Variants in PRKCB observed in about 807,000 individuals in gnomAD.
PRKCB encodes the protein protein kinase C beta type.
A neutral mutation model predicts 81.5 loss-of-function variants in PRKCB; 13 were observed. The observed-to-expected ratio is 0.16, with a 90% confidence interval of 0.10 to 0.25. The LOEUF is 0.25. Among genes scored for constraint, PRKCB ranks in the 10% least tolerant of loss-of-function variants. The pLI is 1.00. For synonymous variants in PRKCB, 335 were observed against 321.4 expected (o/e 1.04, Z -0.45); for missense variants, 509 against 875.7 (o/e 0.58, Z 5.29).
intron 10 of PRKCB, among the ~76,000 whole-genome samples, chr16:24,171,856 C>T (rs917932676): frequency 7.2e-5 from 11 of 152,124 alleles, no homozygotes; most frequent in African/African-American, 2.4e-4. Context: ...GCCTCAGCCT[C>T]CCGAGTAGCT....
At chr16:23,963,658 A>G in intron 2 of PRKCB, 1 of 152,196 alleles carries the variant, frequency 6.6e-6, no homozygotes, top group Non-Finnish European at 1.5e-5. Context: ...TGCCGAGGTG[A>G]TGTGTCACCA....
chr16:23,930,685 G>A (rs937502597), intron 2 of PRKCB, among the ~76,000 whole-genome samples: 3 of 152,066 alleles, frequency 2.0e-5, no homozygotes, highest in African/African-American at 7.2e-5. Context: ...TCCTTCTAAC[G>A]TTATTGTTGT....
intron 2 of PRKCB, among the ~76,000 whole-genome samples, chr16:23,958,403 C>T (rs1030092894): frequency 6.6e-6 from 1 of 152,120 alleles, no homozygotes; most frequent in Non-Finnish European, 1.5e-5. Flanking sequence ...CTCCTGGGTT[C>T]AAGCGATTCT....
intron 5 of PRKCB, among the ~76,000 whole-genome samples, chr16:24,069,408 A>C (rs1966079479): frequency 6.6e-6 from 1 of 152,142 alleles, no homozygotes; most frequent in Admixed American, 6.5e-5. Flanking sequence ...GAGGCTGAGC[A>C]CTGGGGACGA....
chr16:23,889,148 ATCCATCCATCCATCCATCCATCCG>A (rs1312784511), intron 2 of PRKCB, among the ~76,000 whole-genome samples: 2 of 144,034 alleles, frequency 1.4e-5, no homozygotes. Flanking sequence ...CCATCCATCC[ATCCATCCATCCATCCATCCATCCG>A]TCCATCCACA....
At chr16:23,888,775 C>G (rs1332512180) in intron 2 of PRKCB, among the ~76,000 whole-genome samples, 2 of 152,096 alleles carry the variant, frequency 1.3e-5, no homozygotes, top group African/African-American at 4.8e-5. Context: ...GGCTACTGTG[C>G]AGGGACTGGG....
intron 3 of PRKCB, among the ~76,000 whole-genome samples, chr16:24,011,595 C>A (rs11074599): frequency 0.27 from 41,682 of 152,072 alleles, 5,884 homozygotes; most frequent in South Asian, 0.36. Context: ...TAGCTCACTG[C>A]AGCCTCCAAT....
chr16:24,033,931 A>G (rs1476897977), intron 4 of PRKCB, among the ~76,000 whole-genome samples: 1 of 152,126 alleles, frequency 6.6e-6, no homozygotes, highest in Non-Finnish European at 1.5e-5. Flanking sequence ...AGTTGGAGAA[A>G]GGGAGAGACA....
At chr16:24,110,141 G>GGGA (rs1404372071) in intron 7 of PRKCB, among the ~76,000 whole-genome samples, 1,557 of 97,982 alleles carry the variant, frequency 0.016, 5 homozygotes, top group Middle Eastern at 0.047. Context: ...GAGAGGGAGA[G>GGGA]GAGGGAGAGG....
chr16:24,101,009 AC>A (rs1189191186), intron 7 of PRKCB, among the ~76,000 whole-genome samples: 2 of 152,162 alleles, frequency 1.3e-5, no homozygotes, highest in Non-Finnish European at 2.9e-5. Flanking sequence ...TCTGGGTTGC[AC>A]CAGCTGGTCC....
intron 9 of PRKCB, among the ~76,000 whole-genome samples, chr16:24,143,583 G>A (rs181003721): frequency 7.7e-4 from 117 of 152,180 alleles, no homozygotes; most frequent in African/African-American, 2.7e-3. Flanking sequence ...ACTAGGGATC[G>A]TGTGATCCCC....
At chr16:24,018,549 G>T (rs1029422038) in intron 3 of PRKCB, among the ~76,000 whole-genome samples, 5 of 152,232 alleles carry the variant, frequency 3.3e-5, no homozygotes, top group African/African-American at 1.2e-4. Context: ...GTTAAGCTTA[G>T]ATGTGGCTAC....
chr16:23,859,676 CG>C, intron 2 of PRKCB, among the ~76,000 whole-genome samples: 1 of 151,924 alleles, frequency 6.6e-6, no homozygotes, highest in South Asian at 2.1e-4. Flanking sequence ...CAGTGAGGTG[CG>C]GGGAGAAGCA....
At chr16:23,878,402 A>G (rs947815392) in intron 2 of PRKCB, among the ~76,000 whole-genome samples, 1 of 152,196 alleles carries the variant, frequency 6.6e-6, no homozygotes, top group Admixed American at 6.5e-5. Context: ...CTTATATAAC[A>G]CACGCATGAC....
At chr16:23,915,083 G>A (rs1332289692) in intron 2 of PRKCB, among the ~76,000 whole-genome samples, 2 of 152,160 alleles carry the variant, frequency 1.3e-5, no homozygotes, top group Admixed American at 1.3e-4. Flanking sequence ...GAAAACAGCA[G>A]GTGCAGTTGG....
At chr16:24,008,333 T>G (rs960673776) in intron 3 of PRKCB, among the ~76,000 whole-genome samples, 2 of 152,220 alleles carry the variant, frequency 1.3e-5, no homozygotes, top group Non-Finnish European at 2.9e-5. Flanking sequence ...TTTCCAGATA[T>G]GCACTGCCAA....
chr16:24,019,718 T>G (rs1271537330), intron 3 of PRKCB, among the ~76,000 whole-genome samples: 1 of 151,598 alleles, frequency 6.6e-6, no homozygotes, highest in African/African-American at 2.4e-5. Flanking sequence ...GAGCCGAGAT[T>G]GCACTGCTGC....
intron 2 of PRKCB, among the ~76,000 whole-genome samples, chr16:23,877,559 T>G (rs751820224): frequency 6.6e-6 from 1 of 152,160 alleles, no homozygotes; most frequent in Non-Finnish European, 1.5e-5. Context: ...AAGCCACTTA[T>G]TCACTCTGAG....
intron 7 of PRKCB, among the ~76,000 whole-genome samples, chr16:24,103,441 C>A (rs1966534470): frequency 6.6e-6 from 1 of 152,086 alleles, no homozygotes; most frequent in Non-Finnish European, 1.5e-5. Context: ...TCTTTCCTTT[C>A]TTTCAGCATA....
Sources: gnomAD v4.1 joint callset for allele counts (sites outside exome capture counted in the v4.1 genomes callset) on GRCh38, gnomAD v4.1.1 for gene constraint, MANE v1.5 for transcripts, NCBI Gene and HGNC (gene_info 2026-07-23, HGNC 2026-07-21) for gene names.